N4BP2L2: variants seen among roughly 807,000 people sequenced by gnomAD.
N4BP2L2 encodes the protein NEDD4-binding protein 2-like 2.
N4BP2L2 carries 50 observed loss-of-function variants against 56.2 expected under a neutral mutation model. The observed-to-expected ratio is 0.89, with a 90% CI of 0.71 to 1.13. N4BP2L2 has a LOEUF of 1.13. N4BP2L2 is among the 50% of genes most tolerant of loss of function. The pLI, the probability that N4BP2L2 is intolerant of heterozygous loss-of-function variation, is 0.00. For missense variants in N4BP2L2, 689 were observed against 693.8 expected, an observed-to-expected ratio of 0.99 and a Z score of 0.08; for synonymous variants, 203 against 223.6, an observed-to-expected ratio of 0.91 and a Z score of 0.82.
chr13:32,529,168 T>C (rs1333379577), intron 2 of N4BP2L2, among the ~76,000 whole-genome samples: 1 of 152,254 alleles, frequency 6.6e-6, no homozygotes, highest in East Asian at 1.9e-4. Flanking sequence ...TGATGTGGAA[T>C]CAACAAATAT....
chr13:32,494,126 A>T (rs931629272), intron 6 of N4BP2L2, among the ~76,000 whole-genome samples: 11 of 151,690 alleles, frequency 7.3e-5, no homozygotes, highest in African/African-American at 2.7e-4. Flanking sequence ...AAAAAAAAAT[A>T]AAAAAAATTA....
intron 7 of N4BP2L2, chr13:32,442,375 GA>G: frequency 1.3e-6 from 2 of 1,544,494 alleles, no homozygotes; most frequent in Non-Finnish European, 8.7e-7. Context: ...TTTAGCAAAA[GA>G]AAACAACTTA....
chr13:32,517,102 T>C (rs1380555813), exon 6 of N4BP2L2: 52 of 982,176 alleles, frequency 5.3e-5, no homozygotes, highest in Non-Finnish European at 6.0e-5. Flanking sequence ...AAAACATTAT[T>C]AGAATCACTT....
At chr13:32,511,134 T>C (rs2048048096) in exon 6 of N4BP2L2, 1 of 152,188 alleles carries the variant, frequency 6.6e-6, no homozygotes. Flanking sequence ...TCTAAAGCCA[T>C]TGTAGAATTG....
chr13:32,435,622 C>T (rs1266335925), intron 9 of N4BP2L2, among the ~76,000 whole-genome samples: 2 of 152,134 alleles, frequency 1.3e-5, no homozygotes, highest in Non-Finnish European at 2.9e-5. Flanking sequence ...CATATTTATC[C>T]CACATTTTTC....
intron 6 of N4BP2L2, among the ~76,000 whole-genome samples, chr13:32,496,323 T>C (rs1361126766): frequency 6.6e-6 from 1 of 152,188 alleles, no homozygotes; most frequent in Non-Finnish European, 1.5e-5. Context: ...CCATCAAATT[T>C]TAACTGCTTT....
intron 6 of N4BP2L2, among the ~76,000 whole-genome samples, chr13:32,449,990 T>C (rs555273753): frequency 3.9e-5 from 6 of 152,352 alleles, no homozygotes; most frequent in Middle Eastern, 6.8e-3. Context: ...AACACCTTTC[T>C]CAGTAATTGA....
intron 6 of N4BP2L2, among the ~76,000 whole-genome samples, chr13:32,488,810 T>C (rs2139291208): frequency 6.6e-6 from 1 of 152,286 alleles, no homozygotes; most frequent in East Asian, 1.9e-4. Flanking sequence ...AGTAAAGAAA[T>C]TAGGCAAAAA....
rs549436371 is a variant in N4BP2L2, at chr13:32,492,687, G to A, written c.365+25170C>T. On this transcript the variant is annotated intron_variant, in intron 6 of 9. Transcript: ENST00000357505. ...GTTGGACACAGGTAAAACAGTCACAGTTGTTGTTTTAAAACTAATTTAGCA... is the reference window on the plus strand; with the variant it reads ...GTTGGACACAGGTAAAACAGTCACAATTGTTGTTTTAAAACTAATTTAGCA... 9.1e-4 allele frequency among the ~76,000 whole-genome samples: 139 copies of A among 152,170 alleles called. 2 individuals carry two copies. Among genetic ancestry groups the A allele is most frequent in the African/African-American group, 3.3e-3 (138 of 41,532 alleles).
At chr13:32,457,497 A>G (rs1381223295) in intron 6 of N4BP2L2, among the ~76,000 whole-genome samples, 1 of 152,240 alleles carries the variant, frequency 6.6e-6, no homozygotes, top group East Asian at 1.9e-4. Flanking sequence ...CTAGTTACAT[A>G]TAAGGGAACT....
In N4BP2L2 at chr13:32,484,795, T is replaced by C. The variant is rs146736403; in HGVS notation, c.365+33062A>G. 3.5e-3 allele frequency among the ~76,000 whole-genome samples: 538 copies of C among 152,310 alleles called. 2 individuals are homozygous for C. The highest frequency in any genetic ancestry group is 0.013 in the African/African-American group (521 of 41,570). ...CCACCATGCCCGGCTGTAATTCTTT[T>C]TAAAAAATAGCTAGAAAATACAATC... On this transcript the variant is annotated intron_variant, in intron 6 of 9. Coordinates refer to the N4BP2L2 transcript ENST00000357505.
chr13:32,503,940 G>T (rs906711374), intron 6 of N4BP2L2, among the ~76,000 whole-genome samples: 1 of 152,114 alleles, frequency 6.6e-6, no homozygotes, highest in Non-Finnish European at 1.5e-5. Context: ...AGGTTACAGT[G>T]AACTATGATT....
At chr13:32,449,708 C>T (rs567242808) in intron 6 of N4BP2L2, among the ~76,000 whole-genome samples, 12 of 152,266 alleles carry the variant, frequency 7.9e-5, no homozygotes, top group Admixed American at 5.9e-4. Flanking sequence ...TCATAAATGG[C>T]AGCTCTTATT....
At position 32,502,742 on chromosome 13, in the gene N4BP2L2, C is replaced by G. The variant is rs557523845; in HGVS notation, c.365+15115G>C. 1.3e-3 allele frequency among the ~76,000 whole-genome samples: 195 copies of G among 152,272 alleles called. 3 individuals are homozygous for G. The highest frequency in any genetic ancestry group is 6.8e-4 in the Non-Finnish European group (46 of 68,020). On this transcript the variant is annotated intron_variant, in intron 6 of 9. Coordinates refer to the N4BP2L2 transcript ENST00000357505. ...CTCCCTCTGCTCTTTACAACAATCC[C>G]TGATACTTCTAAGGGGCAGTCTGAA...
chr13:32,495,883 C>A (rs1749700699), intron 6 of N4BP2L2, among the ~76,000 whole-genome samples: 1 of 152,128 alleles, frequency 6.6e-6, no homozygotes, highest in African/African-American at 2.4e-5. Context: ...GGGGTTTCCT[C>A]ATATTGGTAG....
chr13:32,517,650 T>C (rs1344550734), exon 6 of N4BP2L2: 1 of 1,414,632 alleles, frequency 7.1e-7, no homozygotes, highest in East Asian at 2.5e-5. Flanking sequence ...ATTTACACTT[T>C]AACAACTTGC....
intron 5 of N4BP2L2, among the ~76,000 whole-genome samples, chr13:32,519,999 C>T (rs1288854453): frequency 1.3e-5 from 2 of 152,120 alleles, no homozygotes; most frequent in Non-Finnish European, 2.9e-5. Context: ...ATGATACACA[C>T]ACACAGCTAG....
At chr13:32,527,973 T>G (rs542052916) in intron 2 of N4BP2L2, among the ~76,000 whole-genome samples, 27 of 152,298 alleles carry the variant, frequency 1.8e-4, no homozygotes, top group African/African-American at 6.3e-4. Context: ...GGTTTCACCA[T>G]GTTGGTCAGG....
chr13:32,534,432 A>C (rs1372176307), intron 2 of N4BP2L2, among the ~76,000 whole-genome samples: 3 of 149,518 alleles, frequency 2.0e-5, no homozygotes, highest in African/African-American at 7.7e-5. Flanking sequence ...TCTTTTATCC[A>C]GTTTCCAAAT....
Sources: allele counts gnomAD v4.1 joint callset (sites outside exome capture counted in the v4.1 genomes callset), GRCh38; gene constraint gnomAD v4.1.1; transcripts MANE v1.5; gene names NCBI Gene and HGNC (gene_info 2026-07-23, HGNC 2026-07-21).